Variants in AOAH observed in about 807,000 individuals in gnomAD.
AOAH encodes the protein acyloxyacyl hydrolase, also known as acyloxyacyl hydrolase (neutrophil).
In AOAH, 64 loss-of-function variants were observed where a neutral mutation model predicts 92.2. That is an observed-to-expected ratio of 0.69 (90% CI 0.57 to 0.86). The LOEUF (loss-of-function observed/expected upper bound fraction) is 0.86, where lower values mean the gene tolerates loss of function less well. Among genes scored for constraint, AOAH ranks in the 40% least tolerant of loss-of-function variants. The probability of loss-of-function intolerance (pLI) is 0.00; values close to 1 mark genes in which losing one functional copy is unlikely to be tolerated. For missense variants in AOAH, 656 were observed against 694.6 expected, an observed-to-expected ratio of 0.94 and a Z score of 0.62; for synonymous variants, 263 against 254.5, an observed-to-expected ratio of 1.03 and a Z score of -0.32.
chr7:36,618,933 T>C (rs988336196), intron 9 of AOAH, among the ~76,000 whole-genome samples: 1 of 152,122 alleles, frequency 6.6e-6, no homozygotes. Context: ...CAAACATCAA[T>C]AGTGCCCAGA....
At chr7:36,659,759 T>C (rs1020145747) in intron 3 of AOAH, among the ~76,000 whole-genome samples, 3 of 148,460 alleles carry the variant, frequency 2.0e-5, no homozygotes, top group Non-Finnish European at 4.5e-5. Context: ...TTCTTTCTTT[T>C]TTTTTTTTTT....
At chr7:36,546,696 T>A (rs771281400) in intron 15 of AOAH, among the ~76,000 whole-genome samples, 1 of 152,230 alleles carries the variant, frequency 6.6e-6, no homozygotes, top group Non-Finnish European at 1.5e-5. Context: ...CTTTATTCAG[T>A]ATAGTCAGTT....
At chr7:36,618,585 G>A (rs1211277333) in intron 9 of AOAH, among the ~76,000 whole-genome samples, 2 of 152,206 alleles carry the variant, frequency 1.3e-5, no homozygotes, top group African/African-American at 4.8e-5. Flanking sequence ...GGGAGATGCT[G>A]GGTAGGGTTC....
At chr7:36,584,285 G>C (rs1419546407) in intron 12 of AOAH, among the ~76,000 whole-genome samples, 1 of 152,044 alleles carries the variant, frequency 6.6e-6, no homozygotes, top group Non-Finnish European at 1.5e-5. Flanking sequence ...CTCATATTTC[G>C]CAGAAGAGTT....
rs934993001 is a variant in AOAH at position 36,621,586 on chromosome 7, A to T, written c.653+124T>A. The T allele has an allele frequency of 7.4e-6, 7 of 942,262 alleles. No individual in the cohort carries two copies. The Admixed American group carries it at 1.1e-4, about 15-fold the overall frequency. 58.4% of individuals were successfully genotyped at this position (942,262 alleles called of 1,614,324 possible). ...TCTTTTTTCACTGAGCTTTACTTCA[A>T]TCGGAACATGAAAATCTCTTCTCTC... On this transcript the variant is annotated intron_variant, in intron 8 of 20. Transcript: ENST00000617537.
chr7:36,541,968 T>G (rs1320236692), intron 15 of AOAH, among the ~76,000 whole-genome samples: 1 of 152,210 alleles, frequency 6.6e-6, no homozygotes, highest in East Asian at 1.9e-4. Flanking sequence ...TACTTTCTCT[T>G]TTGTGTACTT....
At chr7:36,637,789 C>A in intron 5 of AOAH, 62 bp downstream of exon 5, 4 of 1,491,788 alleles carry the variant, frequency 2.7e-6, no homozygotes, top group South Asian at 1.1e-5. Context: ...ATGTGAAAGC[C>A]GGGGCCAGTG....
intron 12 of AOAH, among the ~76,000 whole-genome samples, 165 bp from the exon 13 acceptor site, chr7:36,576,821 AGTT>A (rs571885814): frequency 6.6e-6 from 1 of 152,296 alleles, no homozygotes; most frequent in South Asian, 2.1e-4. Flanking sequence ...TAATATTGGC[AGTT>A]GTTATGAGAA....
At chr7:36,668,780 C>T (rs528618580) in intron 3 of AOAH, among the ~76,000 whole-genome samples, 1 of 152,214 alleles carries the variant, frequency 6.6e-6, no homozygotes, top group Non-Finnish European at 1.5e-5. Flanking sequence ...AGCCATCACA[C>T]CCAGCCCTGA....
chr7:36,642,795 A>C (rs1793997649), intron 4 of AOAH, among the ~76,000 whole-genome samples: 1 of 152,242 alleles, frequency 6.6e-6, no homozygotes, highest in Non-Finnish European at 1.5e-5. Context: ...ATCCGTCTTC[A>C]ATAGAAACTC....
chr7:36,616,143 C>T (rs1791862342), intron 11 of AOAH, among the ~76,000 whole-genome samples: 1 of 152,174 alleles, frequency 6.6e-6, no homozygotes, highest in South Asian at 2.1e-4. Context: ...TTCTTGACTC[C>T]CCACTGCTGC....
chr7:36,645,458 G>C (rs1326501148), intron 4 of AOAH, among the ~76,000 whole-genome samples: 1 of 152,204 alleles, frequency 6.6e-6, no homozygotes, highest in Non-Finnish European at 1.5e-5. Flanking sequence ...AAGACAGGCA[G>C]ATCAGAAAGA....
intron 4 of AOAH, among the ~76,000 whole-genome samples, chr7:36,651,548 G>A (rs970079992): frequency 6.6e-6 from 1 of 152,174 alleles, no homozygotes; most frequent in African/African-American, 2.4e-5. Context: ...AGAAAGTTGG[G>A]ATATTGTGCA....
chr7:36,629,066 T>C (rs780533743), intron 6 of AOAH, among the ~76,000 whole-genome samples: 12 of 152,202 alleles, frequency 7.9e-5, no homozygotes, highest in South Asian at 2.1e-4. Context: ...ACCAGATAAC[T>C]TTTACTTATC....
chr7:36,714,294 T>G (rs6953190), intron 1 of AOAH, among the ~76,000 whole-genome samples: 91,950 of 151,944 alleles, frequency 0.61, 28,130 homozygotes, highest in East Asian at 0.83. Flanking sequence ...TTGAATCTCT[T>G]AATAGACCAA....
rs186009914 is a variant in AOAH at position 36,668,813 on chromosome 7, T to C, written c.290+5130A>G. 2.3e-4 allele frequency among the ~76,000 whole-genome samples: 35 copies of C among 152,368 alleles called. No individual in the cohort carries two copies. In the South Asian group the frequency reaches 6.2e-3, roughly 27 times the overall value. ...TGATCTTACTTCTCTTAAAGATCTA[T>C]GAAGTATTGTTGGTTTTTCAGTTTG... On this transcript the variant is annotated intron_variant, in intron 3 of 20. Coordinates refer to ENST00000617537, the MANE Select transcript of AOAH (RefSeq NM_001637.4).
chr7:36,597,615 T>C (rs1790224830), intron 11 of AOAH, among the ~76,000 whole-genome samples: 1 of 152,158 alleles, frequency 6.6e-6, no homozygotes, highest in Admixed American at 6.5e-5. Context: ...ATATGGTTCT[T>C]TTCCACCCCA....
At chr7:36,554,940 T>C (rs1485247791) in intron 13 of AOAH, among the ~76,000 whole-genome samples, 11 of 142,450 alleles carry the variant, frequency 7.7e-5, no homozygotes, top group African/African-American at 2.9e-4. Flanking sequence ...ACAGGGACAA[T>C]TTGACTTCCT....
intron 11 of AOAH, among the ~76,000 whole-genome samples, chr7:36,607,111 G>A (rs1434986280): frequency 6.6e-6 from 1 of 152,210 alleles, no homozygotes; most frequent in Non-Finnish European, 1.5e-5. Context: ...AAGAGCAGGA[G>A]AGGAGAGGGG....
Sources: allele counts gnomAD v4.1 joint callset (sites outside exome capture counted in the v4.1 genomes callset), GRCh38; gene constraint gnomAD v4.1.1; transcripts MANE v1.5; gene names NCBI Gene and HGNC (gene_info 2026-07-23, HGNC 2026-07-21).